Variants in SIPA1L2 observed in about 807,000 individuals in gnomAD.
The protein encoded by SIPA1L2 is signal-induced proliferation-associated 1-like protein 2.
In SIPA1L2, 56 loss-of-function variants were observed where a neutral mutation model predicts 163.9. That is an observed-to-expected ratio of 0.34 (90% confidence interval 0.28 to 0.43). The LOEUF (loss-of-function observed/expected upper bound fraction) is 0.43, where lower values mean the gene tolerates loss of function less well. Among genes scored for constraint, SIPA1L2 ranks in the 20% least tolerant of loss-of-function variants. SIPA1L2 has a pLI of 1.00. For synonymous variants in SIPA1L2, 877 were observed against 865.7 expected, an observed-to-expected ratio of 1.01 and a Z score of -0.23; for missense variants, 1,974 against 2,193.5, an observed-to-expected ratio of 0.90 and a Z score of 2.00.
chr1:232,449,186 G>C (rs1362675399), intron 10 of SIPA1L2, among the ~76,000 whole-genome samples: 1 of 152,118 alleles, frequency 6.6e-6, no homozygotes, highest in Non-Finnish European at 1.5e-5. Context: ...ACAGTTGTAA[G>C]GTAAACTGAG....
At chr1:232,440,809 A>G (rs1188238467) in intron 14 of SIPA1L2, among the ~76,000 whole-genome samples, 2 of 152,172 alleles carry the variant, frequency 1.3e-5, no homozygotes, top group East Asian at 3.9e-4. Flanking sequence ...AGGGGTACAC[A>G]TGGCAACACA....
chr1:232,463,384 G>A (rs943467767), intron 9 of SIPA1L2, among the ~76,000 whole-genome samples: 1 of 152,164 alleles, frequency 6.6e-6, no homozygotes, highest in African/African-American at 2.4e-5. Flanking sequence ...CTACCACTCT[G>A]CATCAACCCT....
intron 1 of SIPA1L2, among the ~76,000 whole-genome samples, chr1:232,602,605 G>A (rs536806138): frequency 1.7e-3 from 254 of 152,190 alleles, no homozygotes; most frequent in Non-Finnish European, 2.7e-3. Flanking sequence ...CTGGGACTAC[G>A]GGCGTGAGCC....
At chr1:232,594,536 T>C (rs1162113486) in intron 1 of SIPA1L2, among the ~76,000 whole-genome samples, 2 of 152,130 alleles carry the variant, frequency 1.3e-5, no homozygotes, top group Non-Finnish European at 2.9e-5. Flanking sequence ...ACAGTTTTTA[T>C]TTCTTTAGTT....
intron 3 of SIPA1L2, among the ~76,000 whole-genome samples, chr1:232,501,048 G>GTTTTTTTTTTTTTTTT (rs1421294418): frequency 1.7e-5 from 1 of 58,452 alleles, no homozygotes. Context: ...TAGCAATGAA[G>GTTTTTTTTTTTTTTTT]TATTTTTTTT....
At chr1:232,526,746 G>C (rs1319688840) in intron 2 of SIPA1L2, among the ~76,000 whole-genome samples, 1 of 152,150 alleles carries the variant, frequency 6.6e-6, no homozygotes, top group East Asian at 1.9e-4. Flanking sequence ...GGTGGGCCTA[G>C]GCAGCAAGTC....
chr1:232,615,592 A>G (rs1450050743), intron 1 of SIPA1L2, among the ~76,000 whole-genome samples: 1 of 152,186 alleles, frequency 6.6e-6, no homozygotes, highest in Non-Finnish European at 1.5e-5. Flanking sequence ...CCATTCATCA[A>G]GTGTCTCTTA....
chr1:232,568,411 T>A, intron 2 of SIPA1L2, among the ~76,000 whole-genome samples: 1 of 152,316 alleles, frequency 6.6e-6, no homozygotes, highest in Middle Eastern at 3.4e-3. Flanking sequence ...CTGCCAAACA[T>A]GTGGTCATGG....
intron 2 of SIPA1L2, among the ~76,000 whole-genome samples, chr1:232,539,522 G>A (rs575871139): frequency 6.3e-4 from 96 of 152,220 alleles, no homozygotes; most frequent in Non-Finnish European, 1.1e-3. Context: ...GCACTCCCCC[G>A]AGTAGATCTG....
At chr1:232,607,897 A>C (rs1662022228) in intron 1 of SIPA1L2, among the ~76,000 whole-genome samples, 1 of 151,862 alleles carries the variant, frequency 6.6e-6, no homozygotes, top group Admixed American at 6.6e-5. Flanking sequence ...TTCTACTAAA[A>C]ATACAAAATT....
intron 1 of SIPA1L2, among the ~76,000 whole-genome samples, chr1:232,618,873 T>C (rs1298873154): frequency 6.6e-6 from 1 of 152,194 alleles, no homozygotes. Flanking sequence ...ATATCCAAAG[T>C]AATTTTTCCT....
At position 232,428,473 on chromosome 1, in the gene SIPA1L2, T is replaced by C; in HGVS notation, c.4348A>G (p.Lys1450Glu). Residue 1450 changes from lysine to glutamate, a missense_variant, in exon 17 of 23, where the codon AAA (lysine) becomes GAA (glutamate). By Grantham distance (56) the Lys-to-Glu change is moderately conservative. This residue lies in a region of SIPA1L2 where 1,079 missense variants were observed against 1,150.7 expected (regional missense o/e 0.94). Transcript: ENST00000674635. ...AVAETQHVLS[K>E]EDFLKLMLPD... ...AGCATCAATTTCAGAAAATCTTCTT[T>C]AGACAGAACATGTTGAGTCTCTGCA... is the stretch of plus-strand genomic sequence containing the variant. The C allele has an allele frequency of 1.3e-6, 2 of 1,598,712 alleles. No homozygotes were observed. Among genetic ancestry groups the C allele is most frequent in the Non-Finnish European group, 1.7e-6 (2 of 1,173,216 alleles).
chr1:232,587,011 G>A lies in SIPA1L2; in HGVS notation c.-318-12789C>T, dbSNP rs1660694025. Among the ~76,000 whole-genome samples, 3 of 152,200 alleles carry A rather than the reference G, an allele frequency of 2.0e-5. No individual in the cohort carries two copies. The South Asian group carries it at 6.2e-4, about 31-fold the overall frequency. On this transcript the variant is annotated intron_variant, in intron 1 of 22. Transcript: ENST00000674635. ...ATACAAGGGTAGGGAGACTGAGGATGACGGTATCACAGGAAGGTGGGATGG... is the reference window on the plus strand; with the variant it reads ...ATACAAGGGTAGGGAGACTGAGGATAACGGTATCACAGGAAGGTGGGATGG...
Position 232,607,754 on chromosome 1 carries a change from CTT to C in SIPA1L2, c.-319+22113_-319+22114del, listed in dbSNP as rs920055575. On this transcript the variant is annotated intron_variant, in intron 1 of 22. Coordinates refer to ENST00000674635, the MANE Select transcript of SIPA1L2 (RefSeq NM_020808.5). ...TGCACTTATTTCCCATATTTCACCT[CTT>C]TTTTAAAAAAAAAAAAACGCCGGGC... Among the ~76,000 whole-genome samples the C allele has an allele frequency of 4.2e-5, 6 of 142,658 alleles. No homozygotes were observed. In the Admixed American group the frequency reaches 4.5e-4, roughly 11 times the overall value. The allele number at this position is 142,658 out of a possible 152,430, so 93.6% of individuals were successfully genotyped here.
chr1:232,596,092 G>A (rs1661242429), intron 1 of SIPA1L2, among the ~76,000 whole-genome samples: 2 of 152,142 alleles, frequency 1.3e-5, no homozygotes, highest in African/African-American at 2.4e-5. Flanking sequence ...GGGGGTGAGG[G>A]TGGAGGCTAG....
At chr1:232,497,831 T>C (rs1240835578) in intron 3 of SIPA1L2, among the ~76,000 whole-genome samples, 4 of 152,176 alleles carry the variant, frequency 2.6e-5, no homozygotes, top group Non-Finnish European at 5.9e-5. Flanking sequence ...ATGTCTATCT[T>C]CTATCTTTCC....
chr1:232,570,112 G>A (rs1659631802), intron 2 of SIPA1L2, among the ~76,000 whole-genome samples: 1 of 152,198 alleles, frequency 6.6e-6, no homozygotes, highest in Admixed American at 6.5e-5. Context: ...ACAGACCGCT[G>A]TAACACTACA....
At chr1:232,578,923 T>C (rs987359665) in intron 1 of SIPA1L2, among the ~76,000 whole-genome samples, 5 of 152,200 alleles carry the variant, frequency 3.3e-5, no homozygotes, top group African/African-American at 9.7e-5. Flanking sequence ...GTTTTGCCTT[T>C]AGACAGGAAA....
intron 18 of SIPA1L2, among the ~76,000 whole-genome samples, chr1:232,424,896 G>A (rs1272794795): frequency 6.6e-6 from 1 of 152,068 alleles, no homozygotes; most frequent in Admixed American, 6.5e-5. Context: ...AAATAACTAT[G>A]TATAAAGGAA....
Sources: gnomAD v4.1 joint callset for allele counts (sites outside exome capture counted in the v4.1 genomes callset) on GRCh38, gnomAD v4.1.1 for gene constraint, gnomAD v4.1.1 regional missense constraint, MANE v1.5 for transcripts, NCBI Gene and HGNC (gene_info 2026-07-23, HGNC 2026-07-21) for gene names.